OPCML: variants seen among roughly 807,000 people sequenced by gnomAD.
The protein encoded by OPCML is opioid binding protein/cell adhesion molecule like, also known as opioid-binding protein/cell adhesion molecule.
Under a neutral mutation model 37.8 loss-of-function variants are expected in OPCML, and 13 were observed. The observed-to-expected ratio is 0.34, with a 90% CI of 0.22 to 0.55. The LOEUF (loss-of-function observed/expected upper bound fraction) is 0.55, where lower values mean the gene tolerates loss of function less well. OPCML is among the 20% of genes least tolerant of loss of function. The pLI is 0.91. For synonymous variants in OPCML, 176 were observed against 168.8 expected, an observed-to-expected ratio of 1.04 and a Z score of -0.33; for missense variants, 341 against 435.6, an observed-to-expected ratio of 0.78 and a Z score of 1.93.
chr11:132,464,467 G>A (rs2096113401), intron 4 of OPCML, among the ~76,000 whole-genome samples: 1 of 152,192 alleles, frequency 6.6e-6, no homozygotes, highest in Non-Finnish European at 1.5e-5. Context: ...ACTATGCTTA[G>A]TTCATGGCTT....
intron 1 of OPCML, among the ~76,000 whole-genome samples, chr11:133,214,780 G>T (rs769999386): frequency 2.0e-5 from 3 of 151,946 alleles, no homozygotes; most frequent in Non-Finnish European, 4.4e-5. Flanking sequence ...TTTTCCTCTC[G>T]GTTTATGACC....
chr11:132,535,349 G>T (rs891476201), intron 3 of OPCML, among the ~76,000 whole-genome samples: 6 of 152,042 alleles, frequency 3.9e-5, no homozygotes, highest in Non-Finnish European at 4.4e-5. Context: ...GGGGGTGTCT[G>T]TTTCTAGAAG....
intron 1 of OPCML, among the ~76,000 whole-genome samples, chr11:133,232,881 G>T (rs2167971): frequency 1.3e-5 from 2 of 152,294 alleles, no homozygotes; most frequent in South Asian, 4.1e-4. Flanking sequence ...AGATCCCAGT[G>T]CTGACAGCTT....
intron 4 of OPCML, among the ~76,000 whole-genome samples, chr11:132,444,689 T>C (rs1435816384): frequency 6.6e-6 from 1 of 152,126 alleles, no homozygotes; most frequent in Non-Finnish European, 1.5e-5. Flanking sequence ...TCCACTCTCT[T>C]TCTGCCAGGC....
At chr11:133,487,993 T>A (rs1008277468) in intron 1 of OPCML, among the ~76,000 whole-genome samples, 9 of 152,102 alleles carry the variant, frequency 5.9e-5, no homozygotes, top group African/African-American at 2.2e-4. Context: ...AAATGTGATA[T>A]ATCGCATAAA....
intron 3 of OPCML, among the ~76,000 whole-genome samples, chr11:132,545,520 T>C (rs1382652485): frequency 6.6e-6 from 1 of 152,242 alleles, no homozygotes; most frequent in African/African-American, 2.4e-5. Context: ...AGTTGATACA[T>C]TAACATAATT....
chr11:133,405,852 C>T (rs1945514057), intron 1 of OPCML, among the ~76,000 whole-genome samples: 1 of 152,166 alleles, frequency 6.6e-6, no homozygotes, highest in African/African-American at 2.4e-5. Context: ...CAATCTGCCA[C>T]TTAGTTAAAG....
chr11:132,767,075 A>T (rs1349030476), intron 2 of OPCML, among the ~76,000 whole-genome samples: 1 of 152,216 alleles, frequency 6.6e-6, no homozygotes, highest in East Asian at 1.9e-4. Context: ...AAATGATGAT[A>T]AAACAAATGT....
chr11:132,757,262 T>A (rs1379811698), intron 2 of OPCML, among the ~76,000 whole-genome samples: 1 of 152,206 alleles, frequency 6.6e-6, no homozygotes, highest in East Asian at 1.9e-4. Context: ...AATAAACATA[T>A]GTGTGCATGT....
At chr11:133,377,253 T>C (rs1391736177) in intron 1 of OPCML, among the ~76,000 whole-genome samples, 2 of 152,042 alleles carry the variant, frequency 1.3e-5, no homozygotes, top group African/African-American at 4.8e-5. Flanking sequence ...TCGCTCTGCG[T>C]GGGAGGGTGT....
chr11:132,521,877 G>A (rs1448013713), intron 4 of OPCML, among the ~76,000 whole-genome samples: 1 of 152,166 alleles, frequency 6.6e-6, no homozygotes, highest in East Asian at 1.9e-4. Context: ...ATGTCTTTGT[G>A]TATAGTTCGG....
chr11:132,795,099 T>TAC (rs1200741859), intron 2 of OPCML, among the ~76,000 whole-genome samples: 31 of 151,114 alleles, frequency 2.1e-4, no homozygotes, highest in African/African-American at 3.9e-4. Context: ...CATATACGTA[T>TAC]ACACACACAC....
chr11:132,821,859 G>T (rs771434883), intron 2 of OPCML, among the ~76,000 whole-genome samples: 2 of 151,986 alleles, frequency 1.3e-5, no homozygotes, highest in Non-Finnish European at 2.9e-5. Context: ...CATTGCACTC[G>T]GTTGGATTCA....
intron 1 of OPCML, among the ~76,000 whole-genome samples, chr11:133,046,507 A>G (rs1365588408): frequency 6.6e-6 from 1 of 152,134 alleles, no homozygotes; most frequent in East Asian, 1.9e-4. Context: ...ATAGACTTCA[A>G]TGCCAGGAGC....
chr11:133,281,583 T>A (rs1444334971), intron 1 of OPCML, among the ~76,000 whole-genome samples: 1 of 152,034 alleles, frequency 6.6e-6, no homozygotes, highest in East Asian at 1.9e-4. Flanking sequence ...AAAACATTGG[T>A]ACCAAGGAGT....
At chr11:133,321,774 C>T (rs1417366208) in intron 1 of OPCML, among the ~76,000 whole-genome samples, 2 of 152,134 alleles carry the variant, frequency 1.3e-5, no homozygotes, top group East Asian at 3.9e-4. Context: ...AAGTGCCAAC[C>T]GGTTATTAGA....
intron 1 of OPCML, among the ~76,000 whole-genome samples, chr11:133,364,457 A>G: frequency 6.6e-6 from 1 of 152,224 alleles, no homozygotes; most frequent in East Asian, 1.9e-4. Context: ...AGCCCTTAAA[A>G]GACAGAAATT....
chr11:133,395,604 A>G (rs1168537127), intron 1 of OPCML, among the ~76,000 whole-genome samples: 1 of 152,132 alleles, frequency 6.6e-6, no homozygotes, highest in East Asian at 1.9e-4. Flanking sequence ...CTGCATATGG[A>G]TATCCAGTTT....
chr11:132,794,964 T>A (rs961130064), intron 2 of OPCML, among the ~76,000 whole-genome samples: 2 of 151,154 alleles, frequency 1.3e-5, no homozygotes, highest in Non-Finnish European at 2.9e-5. Context: ...TGATATATTA[T>A]TTATGGTCCC....
Sources: gnomAD v4.1 joint callset for allele counts (sites outside exome capture counted in the v4.1 genomes callset) on GRCh38, gnomAD v4.1.1 for gene constraint, MANE v1.5 for transcripts, NCBI Gene and HGNC (gene_info 2026-07-23, HGNC 2026-07-21) for gene names.